SARM1: variants seen among roughly 807,000 people sequenced by gnomAD.
SARM1 encodes the protein NAD(+) hydrolase SARM1.
A neutral mutation model predicts 65.1 loss-of-function variants in SARM1; 60 were observed. That is an observed-to-expected ratio of 0.92 (90% CI 0.75 to 1.14). The LOEUF is 1.14. Ranked by LOEUF, SARM1 falls within the 50% of genes most tolerant of loss-of-function variation. The pLI is 0.00. For missense variants in SARM1, 913 were observed against 1,015.7 expected, an observed-to-expected ratio of 0.90 and a Z score of 1.37; for synonymous variants, 417 against 465.4, an observed-to-expected ratio of 0.90 and a Z score of 1.34.
At position 28,400,722 on chromosome 17, in the gene SARM1, G is replaced by A. The variant is rs1157621333; in HGVS notation, c.*4436G>A. The A allele has an allele frequency of 6.2e-7, 1 of 1,600,602 alleles. No individual in the cohort carries two copies. Among genetic ancestry groups the A allele is most frequent in the African/African-American group, 1.3e-5 (1 of 74,818 alleles). Reference sequence around the variant, plus strand: ...GAGTTGAAGATGCCGGAGGCCGTCAGCATGGCCAGGCTATTCACACAGGCC... The same window carrying A: ...GAGTTGAAGATGCCGGAGGCCGTCAACATGGCCAGGCTATTCACACAGGCC... On this transcript the variant is annotated 3_prime_UTR_variant, in exon 9 of 9. Coordinates refer to ENST00000585482, the MANE Select transcript of SARM1 (RefSeq NM_015077.4).
chr17:28,381,452 G>A lies in SARM1; in HGVS notation c.720G>A (p.Ala240=). ...LGNCALHGGQ[A]VQRRMVEKRA... is the part of the protein sequence containing the mutation. ...ACTGCGCGCTGCACGGGGGCCAGGCGGTGCAGCGACGCATGGTAGAGAAGC... is the reference window on the plus strand; with the variant it reads ...ACTGCGCGCTGCACGGGGGCCAGGCAGTGCAGCGACGCATGGTAGAGAAGC... The change falls in exon 2 of 9, where the codon GCG becomes GCA. Residue 240 remains alanine, a synonymous_variant. Coordinates refer to ENST00000585482, the MANE Select transcript of SARM1 (RefSeq NM_015077.4). 1.9e-6 allele frequency: 3 copies of A among 1,548,304 alleles called. No individual in the cohort carries two copies. The highest frequency in any genetic ancestry group is 4.9e-5 in the East Asian group (2 of 40,942).
intron 1 of SARM1, among the ~76,000 whole-genome samples, chr17:28,379,299 CTTTTTTTTTTTTTT>C (rs1193480505): frequency 3.8e-5 from 3 of 78,378 alleles, no homozygotes; most frequent in South Asian, 1.0e-3. Context: ...CCATTTAGAT[CTTTTTTTTTTTTTT>C]TTTTTTTTTT....
At chr17:28,386,495 C>G (rs1206587310) in intron 5 of SARM1, 1 of 151,640 alleles carries the variant, frequency 6.6e-6, no homozygotes, top group East Asian at 1.9e-4. Context: ...GATGGCAAAA[C>G]TGGGACTTGA....
intron 7 of SARM1, among the ~76,000 whole-genome samples, chr17:28,393,509 C>T (rs2068091485): frequency 6.6e-6 from 1 of 151,890 alleles, no homozygotes; most frequent in Non-Finnish European, 1.5e-5. Flanking sequence ...CTTGATGGTG[C>T]CACTGCCCTC....
chr17:28,402,182 C>A lies in SARM1; in HGVS notation c.*5896C>A, dbSNP rs368140256. 7.9e-4 allele frequency: 1,165 copies of A among 1,481,180 alleles called. No homozygotes were observed. Among genetic ancestry groups the A allele is most frequent in the Non-Finnish European group, 1.0e-3 (1,116 of 1,082,252 alleles). 91.8% of individuals were successfully genotyped at this position (1,481,180 alleles called of 1,614,324 possible). On this transcript the variant is annotated 3_prime_UTR_variant, in exon 9 of 9. Transcript: ENST00000585482. ...CCCCAGCCATGGCTGCCCATCAGCC[C>A]GTTTCGGGCAGCACTGGACATGAGG...
intron 7 of SARM1, among the ~76,000 whole-genome samples, chr17:28,394,262 A>C (rs1199156462): frequency 1.3e-5 from 2 of 152,230 alleles, no homozygotes; most frequent in South Asian, 4.1e-4. Context: ...AGCGTGGATG[A>C]GGAAAGACCT....
At chr17:28,388,600 C>A in intron 7 of SARM1, 61 bp downstream of exon 7, 1 of 1,519,010 alleles carries the variant, frequency 6.6e-7, no homozygotes, top group Non-Finnish European at 9.0e-7. Flanking sequence ...AAGATAGGGT[C>A]GTCTTCTATT....
intron 1 of SARM1, among the ~76,000 whole-genome samples, chr17:28,378,310 G>A (rs1287754943): frequency 6.6e-6 from 1 of 152,070 alleles, no homozygotes; most frequent in African/African-American, 2.4e-5. Context: ...TGGAAGTGTG[G>A]GCAGCTCCCC....
chr17:28,379,455 C>A (rs8080241), intron 1 of SARM1, among the ~76,000 whole-genome samples: 2 of 151,802 alleles, frequency 1.3e-5, no homozygotes, highest in African/African-American at 2.4e-5. Flanking sequence ...GGACTACAGG[C>A]ACCCGCCACC....
intron 6 of SARM1, 27 bp downstream of exon 6, chr17:28,388,303 G>T: frequency 6.3e-7 from 1 of 1,591,972 alleles, no homozygotes; most frequent in Non-Finnish European, 8.6e-7. Flanking sequence ...GGGCAGCGAC[G>T]GGGCGTGGGG....
chr17:28,382,974 T>TAC (rs1395597175), intron 2 of SARM1, among the ~76,000 whole-genome samples: 2 of 152,230 alleles, frequency 1.3e-5, no homozygotes, highest in Non-Finnish European at 2.9e-5. Flanking sequence ...ATGTGGTGCA[T>TAC]ACCCCATGAC....
intron 1 of SARM1, 136 bp from the exon 2 acceptor site, chr17:28,381,067 G>C: frequency 2.9e-6 from 3 of 1,030,346 alleles, no homozygotes; most frequent in Non-Finnish European, 4.1e-6. Flanking sequence ...TGAGGGTGGG[G>C]AGCAGGGAGG....
Position 28,385,100 on chromosome 17 carries a change from C to CA in SARM1, c.1457dup (p.Asn486LysfsTer35). 1 of 1,613,922 alleles carries CA rather than the reference C, an allele frequency of 6.2e-7. No individual in the cohort carries two copies. The highest frequency in any genetic ancestry group is 8.5e-7 in the Non-Finnish European group (1 of 1,179,892). On this transcript the variant is annotated frameshift_variant, in exon 5 of 9. Transcript: ENST00000585482. LOFTEE classifies it high-confidence loss of function. The surrounding 1 kb of genome is among the most constrained non-coding windows in gnomAD (Gnocchi z 4.5). ...CCAACTATTCTACGTGCGACCGCAG[C>CA]AACCTGGCGGACTGGCTGGGCAGCC...
In SARM1 at chr17:28,384,700, C is replaced by T. The variant is rs549974315; in HGVS notation, c.1302+131C>T. 5.0e-6 allele frequency: 6 copies of T among 1,208,526 alleles called. No individual in the cohort carries two copies. The South Asian group carries it at 7.3e-5, about 15-fold the overall frequency. The allele number at this position is 1,208,526 out of a possible 1,614,324, so 74.9% of individuals were successfully genotyped here. A position where few individuals can be genotyped will look rare whatever the true frequency, so the allele number is the denominator to read the frequency against. On this transcript the variant is annotated intron_variant, in intron 3 of 8. Transcript: ENST00000585482. The surrounding 1 kb of genome is among the most constrained non-coding windows in gnomAD (Gnocchi z 4.4). The stretch of plus-strand genomic sequence containing the variant: ...TGGGGGCGGGGAGCCTGTACGCAGC[C>T]ACCGTTAGGGTCACTCGGCTCTGAT...
chr17:28,381,155 C>T (rs782182199), intron 1 of SARM1, 48 bp from the exon 2 acceptor site: 2 of 1,540,792 alleles, frequency 1.3e-6, no homozygotes, highest in Non-Finnish European at 1.7e-6. Flanking sequence ...AAGCCAAGCT[C>T]CCCAAGCTGC....
intron 5 of SARM1, among the ~76,000 whole-genome samples, chr17:28,387,518 T>C (rs1555586199): frequency 1.4e-5 from 2 of 141,978 alleles, no homozygotes; most frequent in African/African-American, 5.2e-5. Flanking sequence ...GCCACTGCCC[T>C]GGCCTAGACT....
At chr17:28,377,051 A>T (rs1333749260) in intron 1 of SARM1, among the ~76,000 whole-genome samples, 2 of 152,158 alleles carry the variant, frequency 1.3e-5, no homozygotes, top group African/African-American at 4.8e-5. Flanking sequence ...CAGCCTCCCA[A>T]AGTGTTGGGA....
rs1555586183 is a variant in SARM1, at chr17:28,387,386, C to T, written c.1631-788C>T. Among the ~76,000 whole-genome samples, 5 of 152,138 alleles carry T rather than the reference C, an allele frequency of 3.3e-5. No homozygotes were observed. The South Asian group carries it at 1.0e-3, about 32-fold the overall frequency. On this transcript the variant is annotated intron_variant, in intron 5 of 8. Coordinates refer to ENST00000585482, the MANE Select transcript of SARM1 (RefSeq NM_015077.4). Reference sequence around the variant, plus strand: ...TAGCTAGATTACAGACATGTGCCACCATGCCTGGATAATTTTTTGTAAAGA... The same window carrying T: ...TAGCTAGATTACAGACATGTGCCACTATGCCTGGATAATTTTTTGTAAAGA...
intron 5 of SARM1, among the ~76,000 whole-genome samples, chr17:28,387,844 A>C (rs1208167139): frequency 6.6e-6 from 1 of 152,136 alleles, no homozygotes; most frequent in Non-Finnish European, 1.5e-5. Flanking sequence ...ATAGGGAAGA[A>C]GGAATGAGGG....
Sources: allele counts gnomAD v4.1 joint callset (sites outside exome capture counted in the v4.1 genomes callset), GRCh38; gene constraint gnomAD v4.1.1; non-coding constraint Gnocchi (gnomAD v3.1); transcripts MANE v1.5; gene names NCBI Gene and HGNC (gene_info 2026-07-23, HGNC 2026-07-21).